ABCA12: variants seen among roughly 807,000 people sequenced by gnomAD.
ABCA12 encodes the protein ATP binding cassette subfamily A member 12.
A neutral mutation model predicts 293.5 loss-of-function variants in ABCA12; 156 were observed. That is an observed-to-expected ratio of 0.53 (90% CI 0.47 to 0.61). The LOEUF (loss-of-function observed/expected upper bound fraction) is 0.61. ABCA12 is among the 20% of genes least tolerant of loss of function. The probability of loss-of-function intolerance (pLI) is 0.00; values close to 1 mark genes in which losing one functional copy is unlikely to be tolerated. For missense variants in ABCA12, 2,797 were observed against 3,090.2 expected (o/e 0.91, Z 2.25); for synonymous variants, 1,063 against 1,108.0 (o/e 0.96, Z 0.81).
chr2:215,066,623 CAG>C (rs71041986), intron 2 of ABCA12, among the ~76,000 whole-genome samples: 51,088 of 151,832 alleles, frequency 0.34, 8,827 homozygotes, highest in Middle Eastern at 0.43. Context: ...AAATTCATCA[CAG>C]AGTTTCTTTA....
chr2:214,955,407 C>T, intron 42 of ABCA12, 46 bp from the exon 43 acceptor site: 2 of 1,594,512 alleles, frequency 1.3e-6, no homozygotes, highest in Non-Finnish European at 1.7e-6. Context: ...CTCGGCCAGG[C>T]ATGGTGGCTC....
intron 2 of ABCA12, among the ~76,000 whole-genome samples, chr2:215,105,818 A>T (rs1056598691): frequency 5.3e-5 from 8 of 152,118 alleles, no homozygotes; most frequent in African/African-American, 1.9e-4. Context: ...GATGTTTCTA[A>T]CCTGAAAGAC....
At chr2:215,099,129 G>C (rs1023194359) in intron 2 of ABCA12, among the ~76,000 whole-genome samples, 1 of 152,240 alleles carries the variant, frequency 6.6e-6, no homozygotes, top group African/African-American at 2.4e-5. Context: ...ACAGAAAAAG[G>C]ATAGTTTCTG....
At chr2:215,111,536 C>T in intron 2 of ABCA12, 61 bp downstream of exon 2, 1 of 1,394,680 alleles carries the variant, frequency 7.2e-7, no homozygotes, top group Non-Finnish European at 1.0e-6. Flanking sequence ...TAAAGTGGTA[C>T]CAAAATAAAT....
chr2:215,029,917 A>G (rs1445738347), intron 9 of ABCA12, among the ~76,000 whole-genome samples: 1 of 152,342 alleles, frequency 6.6e-6, no homozygotes, highest in East Asian at 1.9e-4. Flanking sequence ...GCTATGAGGA[A>G]AAAGTATTTT....
intron 18 of ABCA12, among the ~76,000 whole-genome samples, chr2:215,008,871 T>C (rs1293964525): frequency 6.6e-6 from 1 of 152,172 alleles, no homozygotes; most frequent in African/African-American, 2.4e-5. Context: ...TATACATTGT[T>C]GGTGGGAGTG....
At chr2:215,037,232 A>T (rs1701013250) in intron 7 of ABCA12, among the ~76,000 whole-genome samples, 167 bp from the exon 8 acceptor site, 1 of 152,214 alleles carries the variant, frequency 6.6e-6, no homozygotes, top group Non-Finnish European at 1.5e-5. Context: ...TCATGCACAA[A>T]ATCTCAACAA....
At chr2:215,083,756 G>A (rs1701988090) in intron 2 of ABCA12, among the ~76,000 whole-genome samples, 1 of 152,098 alleles carries the variant, frequency 6.6e-6, no homozygotes, top group Admixed American at 6.6e-5. Flanking sequence ...GACATAACAA[G>A]CAGCTTTATC....
At chr2:215,078,532 G>A (rs1306698678) in intron 2 of ABCA12, among the ~76,000 whole-genome samples, 6 of 152,156 alleles carry the variant, frequency 3.9e-5, no homozygotes, top group Non-Finnish European at 7.4e-5. Flanking sequence ...AGTCCTAGTT[G>A]ATAAGTATCC....
At chr2:214,962,943 C>G (rs567879399) in intron 39 of ABCA12, 1 of 152,176 alleles carries the variant, frequency 6.6e-6, no homozygotes, top group Non-Finnish European at 1.5e-5. Context: ...ATTTATAGCA[C>G]TAAATGCCCA....
intron 2 of ABCA12, among the ~76,000 whole-genome samples, chr2:215,095,068 C>T (rs1463971326): frequency 6.6e-6 from 1 of 152,206 alleles, no homozygotes; most frequent in Non-Finnish European, 1.5e-5. Flanking sequence ...GACAGCAACA[C>T]TTCACTACTA....
intron 15 of ABCA12, among the ~76,000 whole-genome samples, chr2:215,014,578 C>A (rs552082635): frequency 6.6e-6 from 1 of 152,134 alleles, no homozygotes. Flanking sequence ...TATAATGAGA[C>A]TTTAAGTTTT....
intron 43 of ABCA12, 129 bp downstream of exon 43, chr2:214,955,073 T>A: frequency 8.4e-7 from 1 of 1,190,072 alleles, no homozygotes; most frequent in Non-Finnish European, 1.2e-6. Context: ...TTTTAAAAGC[T>A]GTAGTTTCTC....
intron 1 of ABCA12, among the ~76,000 whole-genome samples, chr2:215,136,932 C>T (rs1264977453): frequency 2.6e-5 from 4 of 152,108 alleles, no homozygotes; most frequent in Admixed American, 6.6e-5. Flanking sequence ...GGCCCCAACT[C>T]GCATGCTCTG....
chr2:215,071,213 A>G (rs1404574903), intron 2 of ABCA12, among the ~76,000 whole-genome samples: 1 of 112,922 alleles, frequency 8.9e-6, no homozygotes, highest in Non-Finnish European at 1.6e-5. Flanking sequence ...AATAAAATAA[A>G]ATAAAATAAA....
chr2:214,975,731 ACACTCCTGGAAG>A, intron 34 of ABCA12, 42 bp downstream of exon 34: 2 of 1,610,516 alleles, frequency 1.2e-6, no homozygotes, highest in Non-Finnish European at 1.7e-6. Flanking sequence ...AGGTACAACC[ACACTCCTGGAAG>A]CATTTTGGAA....
intron 2 of ABCA12, among the ~76,000 whole-genome samples, chr2:215,075,080 C>G (rs1041119713): frequency 4.6e-5 from 7 of 152,066 alleles, no homozygotes; most frequent in African/African-American, 1.7e-4. Flanking sequence ...AGTGTATTTA[C>G]CCCCCACCAC....
chr2:215,008,972 G>C (rs1700312792), intron 18 of ABCA12, among the ~76,000 whole-genome samples: 3 of 152,118 alleles, frequency 2.0e-5, no homozygotes, highest in Admixed American at 6.5e-5. Flanking sequence ...TCCCATTACT[G>C]AGTATATATC....
Position 215,019,527 on chromosome 2 carries a change from T to C in ABCA12, c.1544+13A>G. On this transcript the variant is annotated intron_variant, in intron 12 of 52. Coordinates refer to ENST00000272895, the MANE Select transcript of ABCA12 (RefSeq NM_173076.3). ...GAGATTTCACCAAGGAAGAAGACAA[T>C]GGAAAAACTTACTGATCCATATTTA... is the stretch of plus-strand genomic sequence containing the variant. 6.2e-7 allele frequency: 1 copy of C among 1,614,170 alleles called. No individual in the cohort carries two copies. Among genetic ancestry groups the C allele is most frequent in the Non-Finnish European group, 8.5e-7 (1 of 1,179,996 alleles).
Sources: gnomAD v4.1 joint callset for allele counts (sites outside exome capture counted in the v4.1 genomes callset) on GRCh38, gnomAD v4.1.1 for gene constraint, MANE v1.5 for transcripts, NCBI Gene and HGNC (gene_info 2026-07-23, HGNC 2026-07-21) for gene names.